PRAMEF14: variants seen among roughly 807,000 people sequenced by gnomAD.
PRAMEF14 encodes PRAME family member 14.
PRAMEF14 carries 24 observed loss-of-function variants against 38.3 expected under a neutral mutation model. That is an observed-to-expected ratio of 0.63 (90% CI 0.45 to 0.88). The LOEUF (loss-of-function observed/expected upper bound fraction) is 0.88, where lower values mean the gene tolerates loss of function less well. Ranked by LOEUF, PRAMEF14 falls within the 40% of genes least tolerant of loss-of-function variation. PRAMEF14 has a pLI of 0.00. For synonymous variants in PRAMEF14, 194 were observed against 226.4 expected, an observed-to-expected ratio of 0.86 and a Z score of 1.29; for missense variants, 477 against 570.8, an observed-to-expected ratio of 0.84 and a Z score of 1.67.
At position 13,344,231 on chromosome 1, in the gene PRAMEF14, G is replaced by A. The variant is rs1640370813; in HGVS notation, c.673C>T (p.Arg225Cys). The change falls in exon 3 of 4, where the codon CGT becomes TGT. Residue 225 changes from arginine (R) to cysteine (C), a missense_variant. By Grantham distance (180) the Arg-to-Cys change is radical (BLOSUM62 -3). This residue lies in a region of PRAMEF14 where 234 missense variants were observed against 247.4 expected (regional missense o/e 0.95). Transcript: ENST00000334600. ...MSWPRLIRKL[R>C]CYLKEMKNLR... ...TTCTTCATCTCCTTCAGGTAACAAC[G>A]AAGCTTTCTTATCAGACGTGGCCAG... The A allele has an allele frequency of 5.5e-5, 88 of 1,608,502 alleles. 5 individuals carry two copies. Among genetic ancestry groups the A allele is most frequent in the Non-Finnish European group, 6.5e-5 (77 of 1,178,616 alleles).
rs1257232455 is a variant in PRAMEF14, at chr1:13,342,474, C to T, written c.*54G>A. 2 of 1,600,796 alleles carry T rather than the reference C, an allele frequency of 1.2e-6. No individual in the cohort carries two copies. Among genetic ancestry groups the T allele is most frequent in the African/African-American group, 1.3e-5 (1 of 74,666 alleles). On this transcript the variant is annotated 3_prime_UTR_variant, in exon 4 of 4. Coordinates refer to ENST00000334600, the MANE Select transcript of PRAMEF14 (RefSeq NM_001024661.2). ...GCACCTACATAGTAGATTTTAGTGTCCCAGTGCCTGGAAGAGAACTTTGGA... is the reference window on the plus strand; with the variant it reads ...GCACCTACATAGTAGATTTTAGTGTTCCAGTGCCTGGAAGAGAACTTTGGA...
At chr1:13,345,865 T>C (rs1640396432) in intron 1 of PRAMEF14, among the ~76,000 whole-genome samples, 1 of 151,742 alleles carries the variant, frequency 6.6e-6, no homozygotes, top group South Asian at 2.1e-4. Context: ...TTAAGAATCA[T>C]TTGACTCCAG....
At chr1:13,343,512 C>A in intron 3 of PRAMEF14, 6 of 1,244,744 alleles carry the variant, frequency 4.8e-6, no homozygotes, top group Non-Finnish European at 6.4e-6. Context: ...CACTCTCACG[C>A]CTACTCCCTC....
Position 13,344,335 on chromosome 1 carries a change from G to T in PRAMEF14, c.569C>A (p.Thr190Lys), listed in dbSNP as rs1268745944. ...TGACTTTCTGAGATGTTTAATCGGC[G>T]TTAGATAATTGACCAGCTTACTACA... ...LCCSKLVNYL[T>K]PIKHLRKSLK... Residue 190 changes from threonine to lysine, a missense_variant, in exon 3 of 4, where the codon ACG (threonine) becomes AAG (lysine). Thr to Lys is a moderately conservative substitution (Grantham distance 78). Coordinates refer to ENST00000334600, the MANE Select transcript of PRAMEF14 (RefSeq NM_001024661.2). 6.2e-7 allele frequency: 1 copy of T among 1,607,664 alleles called. No homozygotes were observed. Among genetic ancestry groups the T allele is most frequent in the Non-Finnish European group, 8.5e-7 (1 of 1,178,312 alleles).
In PRAMEF14 at chr1:13,344,178, G is replaced by T. The variant is rs1405852403; in HGVS notation, c.726C>A (p.Cys242Ter). The T allele has an allele frequency of 6.2e-7, 1 of 1,606,722 alleles. No individual in the cohort carries two copies. Among genetic ancestry groups the T allele is most frequent in the Non-Finnish European group, 8.5e-7 (1 of 1,177,374 alleles). Residue 242 changes from cysteine (C) to a stop codon, truncating the protein, a stop_gained, in exon 3 of 4, where the codon TGC (cysteine) becomes TGA (stop). Transcript: ENST00000334600. LOFTEE classifies it high-confidence loss of function. ...GTTCATTATCTGACATGGAATGATG[G>T]CACCTGGAGAAAACGAGTTTGCGAA... ...KNLRKLVFSR[C>*]HHSMSDNELE...
Position 13,343,786 on chromosome 1 carries a change from C to T in PRAMEF14, c.866+252G>A. ...TGCACCCCCAATAGAGCTGAAACCC[C>T]CACTAACTAGCTTGTACATGATGTC... On this transcript the variant is annotated intron_variant, in intron 3 of 3. Coordinates refer to ENST00000334600, the MANE Select transcript of PRAMEF14 (RefSeq NM_001024661.2). 11 of 1,441,978 alleles carry T rather than the reference C, an allele frequency of 7.6e-6. 2 individuals are homozygous for T. The highest frequency in any genetic ancestry group is 1.0e-5 in the Non-Finnish European group (11 of 1,088,508). 89.3% of individuals were successfully genotyped at this position (1,441,978 alleles called of 1,614,324 possible). A position where few individuals can be genotyped will look rare whatever the true frequency, so the allele number is the denominator to read the frequency against.
chr1:13,344,186 A>G lies in PRAMEF14; in HGVS notation c.718T>C (p.Ser240Pro), dbSNP rs1302229456. 3.1e-6 allele frequency: 5 copies of G among 1,608,048 alleles called. No homozygotes were observed. Among genetic ancestry groups the G allele is most frequent in the Non-Finnish European group, 4.2e-6 (5 of 1,178,236 alleles). ...TCTGACATGGAATGATGGCACCTGG[A>G]GAAAACGAGTTTGCGAAGATTCTTC... ...EMKNLRKLVF[S>P]RCHHSMSDNE... The change falls in exon 3 of 4, where the codon TCC becomes CCC. Residue 240 changes from serine to proline, a missense_variant. By Grantham distance (74) the Ser-to-Pro change is moderately conservative. Transcript: ENST00000334600.
chr1:13,345,551 G>A (rs1282873933), intron 1 of PRAMEF14, among the ~76,000 whole-genome samples: 2 of 150,760 alleles, frequency 1.3e-5, no homozygotes, highest in African/African-American at 2.4e-5. Flanking sequence ...ACCTCTTTGA[G>A]GAAAAATTTC....
intron 1 of PRAMEF14, among the ~76,000 whole-genome samples, chr1:13,345,816 C>G (rs1437197424): frequency 6.6e-6 from 1 of 151,858 alleles, no homozygotes; most frequent in Non-Finnish European, 1.5e-5. Flanking sequence ...ACAGCCTGGC[C>G]TACATAATGA....
Position 13,342,254 on chromosome 1 carries a change from T to A in PRAMEF14, c.*274A>T, listed in dbSNP as rs1415936008. 7.5e-6 allele frequency: 4 copies of A among 536,184 alleles called. No homozygotes were observed. In the East Asian group the frequency reaches 1.5e-4, roughly 20 times the overall value. 33.2% of individuals were successfully genotyped at this position (536,184 alleles called of 1,614,324 possible). A position where few individuals can be genotyped will look rare whatever the true frequency, so the allele number is the denominator to read the frequency against. On this transcript the variant is annotated 3_prime_UTR_variant, in exon 4 of 4. Transcript: ENST00000334600. ...GCACTTCCCTGTGCTTCCTTTAAGTTGCATGTGGCCTGGACACAGTCACTC... is the reference window on the plus strand; with the variant it reads ...GCACTTCCCTGTGCTTCCTTTAAGTAGCATGTGGCCTGGACACAGTCACTC...
Position 13,345,028 on chromosome 1 carries a change from C to T in PRAMEF14, c.287G>A (p.Arg96Lys). ...HMLLTQKDRP[R>K]RWKLQVLDLR... ...TACCAGCCCTCCTGGGTCACCTCACCTGGGGCGATCCTTCTGTGTAAGCAG... is the reference window on the plus strand; with the variant it reads ...TACCAGCCCTCCTGGGTCACCTCACTTGGGGCGATCCTTCTGTGTAAGCAG... Residue 96 changes from arginine to lysine, a missense_variant and splice_region_variant, in exon 2 of 4, where the codon AGG becomes AAG. Arg to Lys is a conservative substitution (Grantham distance 26). Around this residue, in one of 4 missense-constraint regions of PRAMEF14, gnomAD observed 58 missense variants for 119.9 expected, o/e 0.48. Transcript: ENST00000334600. 6 of 1,537,020 alleles carry T rather than the reference C, an allele frequency of 3.9e-6. No individual in the cohort carries two copies. Among genetic ancestry groups the T allele is most frequent in the Non-Finnish European group, 5.3e-6 (6 of 1,129,468 alleles).
rs770729312 is a variant in PRAMEF14, at chr1:13,342,952, C to T, written c.1001G>A (p.Arg334His). 2.5e-5 allele frequency: 41 copies of T among 1,608,282 alleles called. No individual in the cohort carries two copies. The highest frequency in any genetic ancestry group is 1.7e-4 in the African/African-American group (13 of 74,796). The change falls in exon 4 of 4, where the codon CGC becomes CAC. Residue 334 changes from arginine (R) to histidine (H), a missense_variant. By Grantham distance (29) the Arg-to-His change is conservative. Transcript: ENST00000334600. Reference sequence around the variant, plus strand: ...AGCTCCGAGGGGTTCAAGACTGATGCGGAACAGCAGCACGTAGCTGAGATT... The same window carrying T: ...AGCTCCGAGGGGTTCAAGACTGATGTGGAACAGCAGCACGTAGCTGAGATT... ...HLNLSYVLLF[R>H]ISLEPLGALL...
Position 13,342,434 on chromosome 1 carries a change from A to G in PRAMEF14, c.*94T>C, listed in dbSNP as rs1225992422. The G allele has an allele frequency of 1.3e-6, 2 of 1,506,238 alleles. No individual in the cohort carries two copies. Among genetic ancestry groups the G allele is most frequent in the Non-Finnish European group, 1.8e-6 (2 of 1,130,232 alleles). 93.3% of individuals were successfully genotyped at this position (1,506,238 alleles called of 1,614,324 possible). ...ATTAAAAAATGAAATAAATAAGAAA[A>G]GAGAAAAATAGTTTGCACCTACATA... On this transcript the variant is annotated 3_prime_UTR_variant, in exon 4 of 4. Coordinates refer to ENST00000334600, the MANE Select transcript of PRAMEF14 (RefSeq NM_001024661.2).
intron 2 of PRAMEF14, among the ~76,000 whole-genome samples, 171 bp from the exon 3 acceptor site, chr1:13,344,787 C>A (rs1442690974): frequency 6.6e-6 from 1 of 150,518 alleles, no homozygotes; most frequent in Non-Finnish European, 1.5e-5. Flanking sequence ...ACTTTTGATT[C>A]CCCACTTCTA....
At chr1:13,344,915 G>T in intron 2 of PRAMEF14, 113 bp downstream of exon 2, 1 of 1,519,800 alleles carries the variant, frequency 6.6e-7, no homozygotes, top group Non-Finnish European at 9.0e-7. Flanking sequence ...GATCTTCCTC[G>T]CCAACACCAT....
rs1188370108 is a variant in PRAMEF14 at position 13,342,560 on chromosome 1, AC to A, written c.1392del (p.Ser465LeufsTer31). The part of the protein sequence containing the change: ...PTPCPSCGSS[P>X]SEELELHLCC ...CAAAGATGGAGCTCCAGTTCCTCAG[AC>A]GGTGATGAGCCACAGGAAGGGCAGG... On this transcript the variant is annotated frameshift_variant, in exon 4 of 4. Transcript: ENST00000334600. LOFTEE classifies it high-confidence loss of function. 1 of 1,604,566 alleles carries A rather than the reference AC, an allele frequency of 6.2e-7. No individual in the cohort carries two copies. Among genetic ancestry groups the A allele is most frequent in the Non-Finnish European group, 8.5e-7 (1 of 1,177,264 alleles).
chr1:13,345,701 G>GA (rs1182309946), intron 1 of PRAMEF14, among the ~76,000 whole-genome samples: 1 of 151,384 alleles, frequency 6.6e-6, no homozygotes, highest in Admixed American at 6.6e-5. Context: ...TTTTTATTTT[G>GA]AAAATTTTCT....
chr1:13,345,962 C>T (rs141307806), intron 1 of PRAMEF14, among the ~76,000 whole-genome samples: 1,821 of 142,644 alleles, frequency 0.013, 22 homozygotes, highest in East Asian at 0.05. Context: ...CAAAAACAAA[C>T]TGATAAATTA....
rs371787207 is a variant in PRAMEF14 at position 13,342,708 on chromosome 1, A to G, written c.1245T>C (p.Pro415=). 966 of 1,605,288 alleles carry G rather than the reference A, an allele frequency of 6.0e-4. 29 individuals are homozygous for G. Among genetic ancestry groups the G allele is most frequent in the African/African-American group, 5.6e-3 (422 of 74,724 alleles). The change falls in exon 4 of 4, where the codon CCT becomes CCC. Residue 415 remains proline (P), a synonymous_variant. Transcript: ENST00000334600. ...SKLSLETYPA[P]EESLNSLVRV... is the part of the protein sequence containing the mutation. ...GAACCAAGGAATTCAAACTCTCCTC[A>G]GGGGCAGGATACGTCTCCAGGCTTA...
Sources: gnomAD v4.1 joint callset for allele counts (sites outside exome capture counted in the v4.1 genomes callset) on GRCh38, gnomAD v4.1.1 for gene constraint, gnomAD v4.1.1 regional missense constraint, MANE v1.5 for transcripts, NCBI Gene and HGNC (gene_info 2026-07-23, HGNC 2026-07-21) for gene names.